Variants in WDR36 observed in about 807,000 individuals in gnomAD.
The protein encoded by WDR36 is WD repeat-containing protein 36.
A neutral mutation model predicts 112.7 loss-of-function variants in WDR36; 63 were observed. The observed-to-expected ratio is 0.56, with a 90% CI of 0.46 to 0.69. The LOEUF (loss-of-function observed/expected upper bound fraction) is 0.69. WDR36 is among the 30% of genes least tolerant of loss of function. The pLI, the probability that WDR36 is intolerant of heterozygous loss-of-function variation, is 0.00. For missense variants in WDR36, 1,226 were observed against 1,070.3 expected, an observed-to-expected ratio of 1.15 and a Z score of -2.03; for synonymous variants, 410 against 362.2, an observed-to-expected ratio of 1.13 and a Z score of -1.50.
intron 10 of WDR36, among the ~76,000 whole-genome samples, chr5:111,105,855 T>G (rs1446638087): frequency 6.6e-6 from 1 of 151,626 alleles, no homozygotes; most frequent in Non-Finnish European, 1.5e-5. Context: ...TATATAAATT[T>G]TAAGATTATT....
At chr5:111,114,716 A>G (rs138666199) in intron 16 of WDR36, among the ~76,000 whole-genome samples, 1 of 152,340 alleles carries the variant, frequency 6.6e-6, no homozygotes, top group African/African-American at 2.4e-5. Context: ...TAAAGACACT[A>G]TTAGAAATAT....
rs370452518 is a variant in WDR36, at chr5:111,121,053, C to T, written c.2060C>T (p.Ser687Leu). The T allele has an allele frequency of 1.1e-5, 17 of 1,613,360 alleles. No individual in the cohort carries two copies. The highest frequency in any genetic ancestry group is 1.3e-5 in the African/African-American group (1 of 74,886). Residue 687 changes from serine (S) to leucine (L), a missense_variant, in exon 19 of 23, where the codon TCG (serine) becomes TTG (leucine). Transcript: ENST00000513710. ...EPSDELIEYD[S>L]PEQLNEQLVT... ...AGTGATGAATTGATAGAATATGATT[C>T]GCCAGAACAGTTGAATGAGCAATTG...
Position 111,120,507 on chromosome 5 carries a change from C to G in WDR36, c.1916C>G (p.Ser639Cys). 1 of 1,612,094 alleles carries G rather than the reference C, an allele frequency of 6.2e-7. No homozygotes were observed. The highest frequency in any genetic ancestry group is 1.1e-5 in the South Asian group (1 of 91,002). Reference sequence around the variant, plus strand: ...TTTTGATTTTTCAGGTCCAATATTTCCCTGTATTCAGTTGTTTCATTACGG... The same window carrying G: ...TTTTGATTTTTCAGGTCCAATATTTGCCTGTATTCAGTTGTTTCATTACGG... ...HLGIYLWSNI[S>C]LYSVVSLRPL... Residue 639 changes from serine (S) to cysteine (C), a missense_variant, in exon 18 of 23, where the codon TCC becomes TGC. Transcript: ENST00000513710.
chr5:111,126,643 T>C, intron 22 of WDR36, 91 bp from the exon 23 acceptor site: 1 of 1,372,932 alleles, frequency 7.3e-7, no homozygotes, highest in East Asian at 2.3e-5. Flanking sequence ...TCACCTAGTG[T>C]CTTTTGTGGT....
Position 111,123,900 on chromosome 5 carries a change from T to C in WDR36, c.2244T>C (p.Pro748=), listed in dbSNP as rs755450965. The C allele has an allele frequency of 6.2e-6, 10 of 1,613,608 alleles. No homozygotes were observed. The African/African-American group carries it at 1.2e-4, about 19-fold the overall frequency. Residue 748 remains proline (P), a synonymous_variant, in exon 20 of 23, where the codon CCT becomes CCC. Transcript: ENST00000513710. The part of the protein sequence containing the change: ...IPGLVPRYAA[P]EQNNDPQQSK... ...GCCTTGTACCCAGATATGCTGCACCTGAACAAAATAATGATCCCCAGCAGG... is the reference window on the plus strand; with the variant it reads ...GCCTTGTACCCAGATATGCTGCACCCGAACAAAATAATGATCCCCAGCAGG...
At chr5:111,122,475 G>A (rs543807473) in intron 19 of WDR36, among the ~76,000 whole-genome samples, 1 of 152,220 alleles carries the variant, frequency 6.6e-6, no homozygotes, top group East Asian at 1.9e-4. Context: ...TTCTATTTTT[G>A]CTTTTCTTTA....
chr5:111,128,151 T>TA lies in WDR36; in HGVS notation c.*1269dup, dbSNP rs2112596228. 1 of 191,626 alleles carries TA rather than the reference T, an allele frequency of 5.2e-6. No individual in the cohort carries two copies. The highest frequency in any genetic ancestry group is 8.2e-5 in the East Asian group (1 of 12,208). 11.9% of individuals were successfully genotyped at this position (191,626 alleles called of 1,614,324 possible). ...AGCATAGCGCTCTAAAAACTATTCT[T>TA]AGTTTATACCCTCAAAAGTTGGGTC... On this transcript the variant is annotated 3_prime_UTR_variant, in exon 23 of 23. Coordinates refer to ENST00000513710, the MANE Select transcript of WDR36 (RefSeq NM_139281.3).
intron 16 of WDR36, among the ~76,000 whole-genome samples, chr5:111,116,440 T>C (rs79288809): frequency 0.027 from 4,053 of 152,212 alleles, 204 homozygotes; most frequent in African/African-American, 0.093. Flanking sequence ...CTGTGGAAGG[T>C]GATTTTAGCA....
At chr5:111,094,641 T>C (rs1752939046) in intron 1 of WDR36, among the ~76,000 whole-genome samples, 1 of 152,222 alleles carries the variant, frequency 6.6e-6, no homozygotes, top group Admixed American at 6.5e-5. Flanking sequence ...AAGTGAGTAG[T>C]TGGCAACAGA....
chr5:111,123,599 A>C (rs1485957422), intron 19 of WDR36, among the ~76,000 whole-genome samples: 1 of 152,200 alleles, frequency 6.6e-6, no homozygotes, highest in Non-Finnish European at 1.5e-5. Context: ...CTTATCGGCA[A>C]GGGTGCTAGA....
intron 16 of WDR36, among the ~76,000 whole-genome samples, chr5:111,115,754 G>T (rs1420404252): frequency 1.3e-5 from 2 of 152,106 alleles, no homozygotes; most frequent in African/African-American, 2.4e-5. Flanking sequence ...GTGCCTATCT[G>T]AAACAAATTG....
At chr5:111,093,182 C>G (rs1450666745) in intron 1 of WDR36, among the ~76,000 whole-genome samples, 1 of 152,206 alleles carries the variant, frequency 6.6e-6, no homozygotes, top group Non-Finnish European at 1.5e-5. Flanking sequence ...TACCGTAGCA[C>G]CTTTATATAA....
chr5:111,126,867 A>C lies in WDR36; in HGVS notation c.2672A>C (p.Lys891Thr), dbSNP rs370878775. Residue 891 changes from lysine to threonine, a missense_variant, in exon 23 of 23, where the codon AAA becomes ACA. Lys to Thr is a moderately conservative substitution (Grantham distance 78). Coordinates refer to ENST00000513710, the MANE Select transcript of WDR36 (RefSeq NM_139281.3). ...AGCATGTGTATTTTAAATTATCTCA[A>C]AAGTGCTTTGTTGTAAAAATAAATT... is the stretch of plus-strand genomic sequence containing the variant. Reference protein sequence around the residue: ...NQSMCILNYLKSALL With the variant: ...NQSMCILNYLTSALL The C allele has an allele frequency of 6.2e-7, 1 of 1,606,538 alleles. No homozygotes were observed. The highest frequency in any genetic ancestry group is 8.5e-7 in the Non-Finnish European group (1 of 1,177,042).
chr5:111,121,355 C>T (rs1228568200), intron 19 of WDR36, among the ~76,000 whole-genome samples: 1 of 152,112 alleles, frequency 6.6e-6, no homozygotes, highest in Non-Finnish European at 1.5e-5. Flanking sequence ...ACTCAGCAGA[C>T]ATTTGGATGT....
In WDR36 at chr5:111,128,139, A is replaced by AATTCTTAGTTTATACCCTC. The variant is rs1561712594; in HGVS notation, c.*1257_*1258insTTCTTAGTTTATACCCTCA. On this transcript the variant is annotated 3_prime_UTR_variant, in exon 23 of 23. Transcript: ENST00000513710. ...GCAGTTCTTTAAAGCATAGCGCTCT[A>AATTCTTAGTTTATACCCTC]AAAACTATTCTTAGTTTATACCCTC... is the stretch of plus-strand genomic sequence containing the variant. The AATTCTTAGTTTATACCCTC allele has an allele frequency of 3.1e-5, 6 of 191,936 alleles. No homozygotes were observed. The Admixed American group carries it at 3.7e-4, about 12-fold the overall frequency. 11.9% of individuals were successfully genotyped at this position (191,936 alleles called of 1,614,324 possible). A position where few individuals can be genotyped will look rare whatever the true frequency, so the allele number is the denominator to read the frequency against.
At chr5:111,092,933 C>T (rs989520986) in intron 1 of WDR36, among the ~76,000 whole-genome samples, 1 of 152,232 alleles carries the variant, frequency 6.6e-6, no homozygotes, top group Admixed American at 6.5e-5. Flanking sequence ...TTAAGACAAA[C>T]CTCTACCTCT....
chr5:111,110,141 A>T, intron 12 of WDR36, 48 bp from the exon 13 acceptor site: 1 of 1,314,816 alleles, frequency 7.6e-7, no homozygotes, highest in South Asian at 1.2e-5. Context: ...CATAAAGTGC[A>T]ATAAAAATGT....
chr5:111,098,983 A>C (rs1345760830), intron 4 of WDR36, 144 bp downstream of exon 4: 1 of 645,906 alleles, frequency 1.5e-6, no homozygotes. Flanking sequence ...ACGTGTAAGA[A>C]AAAAAGTTCT....
At position 111,094,831 on chromosome 5, in the gene WDR36, C is replaced by T. The variant is rs552821818; in HGVS notation, c.163-89C>T. 5.6e-5 allele frequency: 58 copies of T among 1,042,174 alleles called. No individual in the cohort carries two copies. The East Asian group carries it at 1.2e-3, about 22-fold the overall frequency. 64.6% of individuals were successfully genotyped at this position (1,042,174 alleles called of 1,614,324 possible). A position where few individuals can be genotyped will look rare whatever the true frequency, so the allele number is the denominator to read the frequency against. ...TATGAAGGACAGCATAGCAAATATA[C>T]GTATGAGGTTATATCTTAATCTTCA... On this transcript the variant is annotated intron_variant, in intron 1 of 22. Transcript: ENST00000513710.
Sources: allele counts gnomAD v4.1 joint callset (sites outside exome capture counted in the v4.1 genomes callset), GRCh38; gene constraint gnomAD v4.1.1; transcripts MANE v1.5; gene names NCBI Gene and HGNC (gene_info 2026-07-23, HGNC 2026-07-21).